The following MAST2 variants were observed in gnomAD, a reference collection of about 807,000 sequenced individuals.
MAST2 encodes microtubule associated serine/threonine kinase 2.
Under a neutral mutation model 147.4 loss-of-function variants are expected in MAST2, and 70 were observed. The ratio of observed to expected loss-of-function variants is 0.47; its 90% CI spans 0.39 to 0.58. MAST2 has a LOEUF of 0.58. Among genes scored for constraint, MAST2 ranks in the 20% least tolerant of loss-of-function variants. The pLI is 0.00. For synonymous variants in MAST2, 869 were observed against 896.8 expected, an observed-to-expected ratio of 0.97 and a Z score of 0.55; for missense variants, 2,080 against 2,302.3, an observed-to-expected ratio of 0.90 and a Z score of 1.98.
intron 3 of MAST2, among the ~76,000 whole-genome samples, chr1:45,838,236 T>G: frequency 7.6e-6 from 1 of 132,238 alleles, no homozygotes; most frequent in South Asian, 2.5e-4. Flanking sequence ...TTTTTTTTTT[T>G]TGAGATGGAG....
At chr1:45,928,144 T>G (rs1654705642) in intron 4 of MAST2, among the ~76,000 whole-genome samples, 1 of 152,242 alleles carries the variant, frequency 6.6e-6, no homozygotes, top group South Asian at 2.1e-4. Flanking sequence ...TCGTCTACAT[T>G]GTCAGCTCAT....
In MAST2 at chr1:45,933,556, A is replaced by G. The variant is rs953936672; in HGVS notation, c.501-25830A>G. ...GGAGTTTGAGACCAGCCTGGCTGAC[A>G]TGGTGAAAACCCGTCTCTACTAAAA... On this transcript the variant is annotated intron_variant, in intron 4 of 28. Coordinates refer to ENST00000361297, the MANE Select transcript of MAST2 (RefSeq NM_015112.3). 2.7e-5 allele frequency among the ~76,000 whole-genome samples: 4 copies of G among 150,448 alleles called. No individual in the cohort carries two copies. The Admixed American group carries it at 2.7e-4, about 10-fold the overall frequency.
chr1:45,840,783 A>G (rs1430342895), intron 3 of MAST2, among the ~76,000 whole-genome samples: 1 of 152,204 alleles, frequency 6.6e-6, no homozygotes, highest in Non-Finnish European at 1.5e-5. Flanking sequence ...AGCCAGTCAT[A>G]TAGGCTGAAT....
Position 46,010,744 on chromosome 1 carries a change from G to A in MAST2, c.993G>A (p.Met331Ile). 1 of 1,613,410 alleles carries A rather than the reference G, an allele frequency of 6.2e-7. No individual in the cohort carries two copies. The highest frequency in any genetic ancestry group is 8.5e-7 in the Non-Finnish European group (1 of 1,179,900). ...TTTCTTCCCAGGCCACCGCACAAATGGAAGAGCGACTAGCAGAGTTTATTT... is the reference window on the plus strand; with the variant it reads ...TTTCTTCCCAGGCCACCGCACAAATAGAAGAGCGACTAGCAGAGTTTATTT... Reference protein sequence around the residue: ...KERFPKATAQMEERLAEFISS... With the variant: ...KERFPKATAQIEERLAEFISS... Residue 331 changes from methionine (M) to isoleucine (I), a missense_variant, in exon 10 of 29, where the codon ATG becomes ATA. Physicochemically the swap from Met to Ile is conservative, Grantham distance 10 (BLOSUM62 1). This residue lies in a region of MAST2 where 569 missense variants were observed against 642.5 expected (regional missense o/e 0.89). Transcript: ENST00000361297.
At chr1:45,944,997 A>C (rs998092892) in intron 4 of MAST2, among the ~76,000 whole-genome samples, 1 of 152,254 alleles carries the variant, frequency 6.6e-6, no homozygotes, top group Non-Finnish European at 1.5e-5. Context: ...TGTCATTAAA[A>C]AATGACTGTG....
Position 46,034,336 on chromosome 1 carries a change from T to G in MAST2, c.3868+70T>G, listed in dbSNP as rs1646809144. The G allele has an allele frequency of 3.4e-6, 5 of 1,489,542 alleles. No homozygotes were observed. The South Asian group carries it at 5.4e-5, about 16-fold the overall frequency. The allele number at this position is 1,489,542 out of a possible 1,614,324, so 92.3% of individuals were successfully genotyped here. ...GGAAAGTTCCTAGGCCCTGTGTGCT[T>G]CTGACAGATCCCACTCTGAGTCTCT... On this transcript the variant is annotated intron_variant, in intron 28 of 28. Coordinates refer to ENST00000361297, the MANE Select transcript of MAST2 (RefSeq NM_015112.3).
chr1:46,029,682 C>A, intron 19 of MAST2, 115 bp downstream of exon 19: 1 of 1,342,530 alleles, frequency 7.4e-7, no homozygotes, highest in Non-Finnish European at 1.0e-6. Flanking sequence ...GATCCTGAAA[C>A]TCTGCCCTGC....
chr1:45,991,172 G>A (rs980610936), intron 5 of MAST2, among the ~76,000 whole-genome samples: 1 of 152,084 alleles, frequency 6.6e-6, no homozygotes, highest in African/African-American at 2.4e-5. Context: ...TGAATTGCCA[G>A]TGCTCCTTTG....
chr1:45,828,941 A>G (rs913622334), intron 2 of MAST2, among the ~76,000 whole-genome samples: 2 of 151,784 alleles, frequency 1.3e-5, no homozygotes, highest in Admixed American at 6.6e-5. Flanking sequence ...AAAAAAAGCC[A>G]AAAAACAAAA....
chr1:45,934,343 G>A lies in MAST2; in HGVS notation c.501-25043G>A, dbSNP rs142972551. On this transcript the variant is annotated intron_variant, in intron 4 of 28. Coordinates refer to ENST00000361297, the MANE Select transcript of MAST2 (RefSeq NM_015112.3). ...ACTAAAAATTACAAAAAAATTAGCC[G>A]GGCTTGGTGGCAGGTGCCTGTATTT... 1.9e-4 allele frequency among the ~76,000 whole-genome samples: 29 copies of A among 152,218 alleles called. No individual in the cohort carries two copies. In the East Asian group the frequency reaches 4.3e-3, roughly 22 times the overall value.
intron 4 of MAST2, among the ~76,000 whole-genome samples, chr1:45,953,399 G>A (rs1275829984): frequency 5.9e-5 from 9 of 152,146 alleles, no homozygotes; most frequent in Middle Eastern, 3.2e-3. Context: ...AACACTTGTC[G>A]AAAACCTCCT....
intron 3 of MAST2, among the ~76,000 whole-genome samples, chr1:45,842,902 T>G (rs565186735): frequency 6.6e-6 from 1 of 152,344 alleles, no homozygotes; most frequent in South Asian, 2.1e-4. Context: ...CCACTAGCAA[T>G]GTACTGAAGG....
At chr1:45,821,515 CTTTTTTTTTT>C (rs59159342) in intron 1 of MAST2, among the ~76,000 whole-genome samples, 1 of 70,924 alleles carries the variant, frequency 1.4e-5, no homozygotes, top group Non-Finnish European at 2.5e-5. Context: ...GTTATTTCTT[CTTTTTTTTTT>C]TTTTTTTTTT....
intron 4 of MAST2, among the ~76,000 whole-genome samples, chr1:45,930,576 G>A (rs902662201): frequency 2.6e-5 from 4 of 152,114 alleles, no homozygotes; most frequent in African/African-American, 9.7e-5. Flanking sequence ...TCGCAGCACG[G>A]GGTAGAGTAA....
chr1:45,811,637 C>CTT (rs764470494), intron 1 of MAST2, among the ~76,000 whole-genome samples: 2 of 117,734 alleles, frequency 1.7e-5, no homozygotes, highest in South Asian at 2.7e-4. Context: ...CCGCACCCGG[C>CTT]TTTTTTTTTT....
intron 19 of MAST2, 119 bp downstream of exon 19, chr1:46,029,686 GC>G (rs1646559740): frequency 7.4e-7 from 1 of 1,359,968 alleles, no homozygotes; most frequent in African/African-American, 1.4e-5. Context: ...CTGAAACTCT[GC>G]CCTGCTCTGT....
chr1:46,034,825 A>G lies in MAST2; in HGVS notation c.4156A>G (p.Arg1386Gly). 1 of 1,614,036 alleles carries G rather than the reference A, an allele frequency of 6.2e-7. No individual in the cohort carries two copies. The highest frequency in any genetic ancestry group is 8.5e-7 in the Non-Finnish European group (1 of 1,180,020). Residue 1386 changes from arginine (R) to glycine (G), a missense_variant, in exon 29 of 29, where the codon AGG becomes GGG. By Grantham distance (125) the Arg-to-Gly change is moderately radical. Coordinates refer to ENST00000361297, the MANE Select transcript of MAST2 (RefSeq NM_015112.3). ...GCTTCACTTGTCACCTCCCCTGGGC[A>G]GGCAACTCTCACGGCCCAAGAGTGC... The part of the protein sequence containing the change: ...TKLHLSPPLG[R>G]QLSRPKSAEP...
chr1:46,017,224 A>G (rs1429489845), intron 10 of MAST2, among the ~76,000 whole-genome samples: 1 of 152,204 alleles, frequency 6.6e-6, no homozygotes, highest in Non-Finnish European at 1.5e-5. Flanking sequence ...TAAAAACCCT[A>G]GAAGAAAACC....
intron 4 of MAST2, among the ~76,000 whole-genome samples, chr1:45,905,703 G>C (rs962950326): frequency 2.6e-5 from 4 of 151,972 alleles, no homozygotes; most frequent in Middle Eastern, 6.8e-3. Context: ...GTGAACCCAG[G>C]AGGCGGAGCT....
Sources: allele counts gnomAD v4.1 joint callset (sites outside exome capture counted in the v4.1 genomes callset), GRCh38; gene constraint gnomAD v4.1.1; regional missense constraint gnomAD v4.1.1; transcripts MANE v1.5; gene names NCBI Gene and HGNC (gene_info 2026-07-23, HGNC 2026-07-21).